Variants in GPHN observed in about 807,000 individuals in gnomAD.
GPHN encodes the protein gephyrin.
Under a neutral mutation model 95.5 loss-of-function variants are expected in GPHN, and 17 were observed. The ratio of observed to expected loss-of-function variants is 0.18; its 90% CI spans 0.12 to 0.27. The LOEUF is 0.27. GPHN is among the 10% of genes least tolerant of loss of function. The probability of loss-of-function intolerance (pLI) is 1.00; values close to 1 mark genes in which losing one functional copy is unlikely to be tolerated. For missense variants in GPHN, 660 were observed against 978.1 expected (o/e 0.67, Z 4.34); for synonymous variants, 320 against 322.5 (o/e 0.99, Z 0.08).
chr14:67,338,992 C>CTTT, the GPHN span, among the ~76,000 whole-genome samples: 13 of 131,138 alleles, frequency 9.9e-5, no homozygotes, highest in East Asian at 4.2e-4. Flanking sequence ...AGACAGAAGC[C>CTTT]TTTTTTTTTT....
chr14:67,434,398 G>A, the GPHN span, among the ~76,000 whole-genome samples: 5 of 152,304 alleles, frequency 3.3e-5, no homozygotes, highest in African/African-American at 1.2e-4. Flanking sequence ...TTTCTACAAA[G>A]TGTTTGCTGC....
chr14:66,763,925 C>A (rs190517580), intron 2 of GPHN, among the ~76,000 whole-genome samples: 393 of 152,252 alleles, frequency 2.6e-3, no homozygotes, highest in Admixed American at 4.1e-3. Context: ...ATGTGAGGGA[C>A]CTACATTGTG....
intron 2 of GPHN, among the ~76,000 whole-genome samples, chr14:66,683,347 T>TGA (rs377093206): frequency 2.1e-5 from 2 of 94,642 alleles, no homozygotes; most frequent in Non-Finnish European, 3.7e-5. Flanking sequence ...TATATATATA[T>TGA]ATATATATAT....
chr14:66,757,548 T>C (rs2153451088), intron 2 of GPHN, among the ~76,000 whole-genome samples: 1 of 152,174 alleles, frequency 6.6e-6, no homozygotes, highest in South Asian at 2.1e-4. Context: ...TACCACCCTG[T>C]CCAGCTAACT....
intron 2 of GPHN, among the ~76,000 whole-genome samples, chr14:66,766,232 G>T (rs146487537): frequency 5.6e-4 from 85 of 152,182 alleles, no homozygotes; most frequent in African/African-American, 2.0e-3. Context: ...TGAAATTCCA[G>T]GAAATTCATC....
intron 12 of GPHN, among the ~76,000 whole-genome samples, chr14:67,099,015 G>T (rs967154987): frequency 2.0e-5 from 3 of 151,980 alleles, no homozygotes; most frequent in Non-Finnish European, 2.9e-5. Flanking sequence ...CATTTGCTCT[G>T]AAAGATGGCA....
the GPHN span, among the ~76,000 whole-genome samples, chr14:67,318,985 G>T: frequency 2.0e-5 from 3 of 151,898 alleles, no homozygotes; most frequent in African/African-American, 7.3e-5. Context: ...GTGAACCCGG[G>T]AGGCGGAGCT....
At chr14:67,477,323 T>C in the GPHN span, among the ~76,000 whole-genome samples, 17 of 152,336 alleles carry the variant, frequency 1.1e-4, no homozygotes, top group African/African-American at 3.6e-4. Flanking sequence ...TCTCCATGCC[T>C]TTGCAGGTCC....
chr14:66,592,191 A>G (rs1490027959), intron 1 of GPHN, among the ~76,000 whole-genome samples: 1 of 152,212 alleles, frequency 6.6e-6, no homozygotes, highest in Non-Finnish European at 1.5e-5. Flanking sequence ...ACCTAAAACC[A>G]TAAAAACTCT....
At chr14:66,963,407 A>G (rs907091433) in intron 8 of GPHN, among the ~76,000 whole-genome samples, 1 of 152,084 alleles carries the variant, frequency 6.6e-6, no homozygotes, top group Non-Finnish European at 1.5e-5. Flanking sequence ...TAGATATTGG[A>G]CATAAAATAG....
intron 11 of GPHN, among the ~76,000 whole-genome samples, chr14:67,070,615 G>A (rs530220308): frequency 0.015 from 2,206 of 144,894 alleles, 24 homozygotes; most frequent in Non-Finnish European, 0.018. Flanking sequence ...AGAATTGTTT[G>A]AACCCGGGAG....
At chr14:67,550,158 T>TAAA in the GPHN span, among the ~76,000 whole-genome samples, 82 of 145,240 alleles carry the variant, frequency 5.6e-4, 1 homozygote, top group African/African-American at 1.7e-3. Context: ...GATCTGTTGC[T>TAAA]AAAAAAAAAA....
At chr14:66,850,116 A>T (rs2062516775) in intron 4 of GPHN, among the ~76,000 whole-genome samples, 1 of 152,144 alleles carries the variant, frequency 6.6e-6, no homozygotes, top group South Asian at 2.1e-4. Context: ...TAATTTACAG[A>T]TAGAAACTTA....
the GPHN span, chr14:67,585,624 T>C: frequency 6.3e-7 from 1 of 1,580,694 alleles, no homozygotes. Context: ...TGAATGAGGA[T>C]GGCGTCAGCA....
At chr14:67,696,272 T>A in the GPHN span, among the ~76,000 whole-genome samples, 2 of 152,144 alleles carry the variant, frequency 1.3e-5, no homozygotes, top group Non-Finnish European at 2.9e-5. Context: ...CCTGGTTCAG[T>A]TTTCCCCAAT....
chr14:66,913,463 T>A (rs1211887680), intron 5 of GPHN, among the ~76,000 whole-genome samples: 1 of 152,148 alleles, frequency 6.6e-6, no homozygotes, highest in Non-Finnish European at 1.5e-5. Context: ...TGCCTCAGGC[T>A]CCTGAGTAGC....
the GPHN span, among the ~76,000 whole-genome samples, chr14:67,669,699 C>T: frequency 2.0e-5 from 3 of 152,174 alleles, no homozygotes; most frequent in Non-Finnish European, 4.4e-5. Context: ...ATGTTTCTTA[C>T]TTAAGTTCAT....
intron 11 of GPHN, among the ~76,000 whole-genome samples, chr14:67,088,644 T>G (rs1413012825): frequency 3.3e-5 from 5 of 152,216 alleles, no homozygotes; most frequent in African/African-American, 1.2e-4. Context: ...TCAATGGGTA[T>G]GAAAACGTTT....
At chr14:66,709,355 A>G (rs1334106190) in intron 2 of GPHN, 1 of 455,902 alleles carries the variant, frequency 2.2e-6, no homozygotes, top group Non-Finnish European at 4.4e-6. Flanking sequence ...TTTTATCCAC[A>G]GGGGATAAAT....
Sources: gnomAD v4.1 joint callset for allele counts (sites outside exome capture counted in the v4.1 genomes callset) on GRCh38, gnomAD v4.1.1 for gene constraint, MANE v1.5 for transcripts, NCBI Gene and HGNC (gene_info 2026-07-23, HGNC 2026-07-21) for gene names.